The following DOP1B variants were observed in gnomAD, a reference collection of about 807,000 sequenced individuals.
The protein encoded by DOP1B is protein DOP1B.
In DOP1B, 174 loss-of-function variants were observed where a neutral mutation model predicts 233.5. The observed-to-expected ratio is 0.75, with a 90% confidence interval of 0.66 to 0.85. The LOEUF is 0.85. DOP1B is among the 40% of genes least tolerant of loss of function. The pLI is 0.00. For missense variants in DOP1B, 2,652 were observed against 2,846.6 expected (o/e 0.93, Z 1.56); for synonymous variants, 1,190 against 1,185.6 (o/e 1.00, Z -0.08).
intron 2 of DOP1B, among the ~76,000 whole-genome samples, chr21:36,192,590 C>T (rs773790784): frequency 2.6e-5 from 4 of 151,922 alleles, no homozygotes; most frequent in Non-Finnish European, 5.9e-5. Flanking sequence ...TGCCATGTTG[C>T]CCAGGCTGGT....
intron 30 of DOP1B, among the ~76,000 whole-genome samples, chr21:36,279,471 A>C (rs988422014): frequency 6.6e-6 from 1 of 152,180 alleles, no homozygotes; most frequent in African/African-American, 2.4e-5. Context: ...TATTAATGAC[A>C]GGAAGGCTTA....
chr21:36,242,304 C>T (rs908106542), intron 18 of DOP1B, among the ~76,000 whole-genome samples: 2 of 152,112 alleles, frequency 1.3e-5, no homozygotes, highest in African/African-American at 4.8e-5. Flanking sequence ...TCCCAAGTAG[C>T]TGGGATTACA....
chr21:36,191,185 C>T (rs998649998), intron 2 of DOP1B, among the ~76,000 whole-genome samples: 11 of 151,220 alleles, frequency 7.3e-5, no homozygotes, highest in Admixed American at 3.3e-4. Context: ...GGAAGAGTGT[C>T]GTTGGGGGAA....
chr21:36,172,259 T>C (rs529017012), intron 2 of DOP1B, among the ~76,000 whole-genome samples: 2 of 152,200 alleles, frequency 1.3e-5, no homozygotes, highest in East Asian at 3.9e-4. Flanking sequence ...GCCTCACCCA[T>C]TCCAAGAATT....
chr21:36,261,978 A>C, intron 24 of DOP1B: 1 of 984,548 alleles, frequency 1.0e-6, no homozygotes, highest in Non-Finnish European at 1.2e-6. Context: ...CTATGCCTAC[A>C]TAGCCATCAG....
chr21:36,287,872 ACCAAG>A, intron 32 of DOP1B, 137 bp from the exon 33 acceptor site: 1 of 1,078,572 alleles, frequency 9.3e-7, no homozygotes, highest in Non-Finnish European at 1.3e-6. Context: ...AGTGCGAGCC[ACCAAG>A]CCTGGCCTGT....
chr21:36,191,954 C>G (rs1388161217), intron 2 of DOP1B, among the ~76,000 whole-genome samples: 1 of 152,154 alleles, frequency 6.6e-6, no homozygotes, highest in African/African-American at 2.4e-5. Flanking sequence ...TAAGTACATT[C>G]ATATTGTGTA....
At chr21:36,277,713 G>A (rs897438624) in intron 28 of DOP1B, among the ~76,000 whole-genome samples, 3 of 151,662 alleles carry the variant, frequency 2.0e-5, no homozygotes, top group African/African-American at 7.3e-5. Flanking sequence ...GGAGTGCAGT[G>A]GCGTGATCTC....
intron 22 of DOP1B, among the ~76,000 whole-genome samples, chr21:36,251,832 G>T (rs532062305): frequency 6.6e-6 from 1 of 152,254 alleles, no homozygotes; most frequent in African/African-American, 2.4e-5. Context: ...TAATTTTTCT[G>T]TAATGAGTAT....
At chr21:36,241,277 G>A (rs549617657) in intron 18 of DOP1B, among the ~76,000 whole-genome samples, 1 of 151,694 alleles carries the variant, frequency 6.6e-6, no homozygotes, top group South Asian at 2.1e-4. Context: ...CTGGGCAAAA[G>A]AGTGAGACTC....
intron 1 of DOP1B, among the ~76,000 whole-genome samples, chr21:36,162,056 T>C (rs1276019965): frequency 6.6e-6 from 1 of 152,240 alleles, no homozygotes; most frequent in African/African-American, 2.4e-5. Flanking sequence ...ATTTCTGTTA[T>C]AAGTGACAGT....
intron 35 of DOP1B, among the ~76,000 whole-genome samples, chr21:36,290,642 T>G (rs2067545453): frequency 6.6e-6 from 1 of 151,896 alleles, no homozygotes; most frequent in Non-Finnish European, 1.5e-5. Flanking sequence ...AATACAAAAT[T>G]AGCTGGGCAT....
rs138849836 is a variant in DOP1B at position 36,261,341 on chromosome 21, G to A, written c.5315+609G>A. ...GACCTCACCACTGCTCTCCAGCCTG[G>A]GTGACAGAGCAAGGCTCTGTCTCAA... is the stretch of plus-strand genomic sequence containing the variant. On this transcript the variant is annotated intron_variant, in intron 24 of 36. Coordinates refer to ENST00000691173, the MANE Select transcript of DOP1B (RefSeq NM_001320714.2). 1.8e-4 allele frequency: 175 copies of A among 983,682 alleles called. No individual in the cohort carries two copies. In the African/African-American group the frequency reaches 3.0e-3, roughly 17 times the overall value. 60.9% of individuals were successfully genotyped at this position (983,682 alleles called of 1,614,324 possible).
rs2067589546 is a variant in DOP1B, at chr21:36,294,195, T to C, written c.*624T>C. 1 of 152,834 alleles carries C rather than the reference T, an allele frequency of 6.5e-6. No individual in the cohort carries two copies. The highest frequency in any genetic ancestry group is 2.4e-5 in the African/African-American group (1 of 41,436). The allele number at this position is 152,834 out of a possible 1,614,324, so 9.5% of individuals were successfully genotyped here. A position where few individuals can be genotyped will look rare whatever the true frequency, so the allele number is the denominator to read the frequency against. The stretch of plus-strand genomic sequence containing the variant: ...GAAGTTGTTTTCTTTGTTGAAGCAG[T>C]TATATGGGTCTTTCTCAGTATATTT... On this transcript the variant is annotated 3_prime_UTR_variant, in exon 37 of 37. Coordinates refer to ENST00000691173, the MANE Select transcript of DOP1B (RefSeq NM_001320714.2).
At chr21:36,235,780 C>G (rs2066817847) in intron 15 of DOP1B, among the ~76,000 whole-genome samples, 1 of 144,430 alleles carries the variant, frequency 6.9e-6, no homozygotes. Flanking sequence ...CATCAACTCT[C>G]AAAAACCTTG....
chr21:36,197,771 A>G (rs1338452132), intron 2 of DOP1B, among the ~76,000 whole-genome samples: 1 of 152,200 alleles, frequency 6.6e-6, no homozygotes, highest in Non-Finnish European at 1.5e-5. Context: ...ACAATTTGGG[A>G]GGCCGAGGCG....
chr21:36,178,637 C>A (rs2066059088), intron 2 of DOP1B, among the ~76,000 whole-genome samples: 1 of 152,162 alleles, frequency 6.6e-6, no homozygotes, highest in South Asian at 2.1e-4. Context: ...TTTGTTATGG[C>A]AGCCTGGGCC....
chr21:36,214,492 A>C lies in DOP1B; in HGVS notation c.1065A>C (p.Glu355Asp). 1 of 1,613,830 alleles carries C rather than the reference A, an allele frequency of 6.2e-7. No individual in the cohort carries two copies. Among genetic ancestry groups the C allele is most frequent in the Non-Finnish European group, 8.5e-7 (1 of 1,179,968 alleles). Residue 355 changes from glutamate to aspartate, a missense_variant, in exon 9 of 37, where the codon GAA (glutamate) becomes GAC (aspartate). Physicochemically the swap from Glu to Asp is conservative, Grantham distance 45 (BLOSUM62 2). This residue lies in a region of DOP1B where 2,617 missense variants were observed against 2,794.3 expected (regional missense o/e 0.94). Coordinates refer to ENST00000691173, the MANE Select transcript of DOP1B (RefSeq NM_001320714.2). Reference sequence around the variant, plus strand: ...AGTTCATAGATGCTGACGTGGAGGAACGCCATCATGCATACCTGAAGCCTT... The same window carrying C: ...AGTTCATAGATGCTGACGTGGAGGACCGCCATCATGCATACCTGAAGCCTT... ...HQKFIDADVE[E>D]RHHAYLKPFR...
chr21:36,287,096 G>GA (rs907559431), intron 32 of DOP1B, among the ~76,000 whole-genome samples: 4 of 151,374 alleles, frequency 2.6e-5, no homozygotes, highest in East Asian at 1.9e-4. Flanking sequence ...AGCTATGGAA[G>GA]AAAAAAAAAG....
Sources: allele counts gnomAD v4.1 joint callset (sites outside exome capture counted in the v4.1 genomes callset), GRCh38; gene constraint gnomAD v4.1.1; regional missense constraint gnomAD v4.1.1; transcripts MANE v1.5; gene names NCBI Gene and HGNC (gene_info 2026-07-23, HGNC 2026-07-21).